Variants in SEMA4A observed in about 807,000 individuals in gnomAD.
SEMA4A encodes semaphorin 4A.
In SEMA4A, 52 loss-of-function variants were observed where a neutral mutation model predicts 72.5. The ratio of observed to expected loss-of-function variants is 0.72; its 90% confidence interval spans 0.57 to 0.90. The LOEUF (loss-of-function observed/expected upper bound fraction) is 0.90, where lower values mean the gene tolerates loss of function less well. SEMA4A is among the 40% of genes least tolerant of loss of function. The probability of loss-of-function intolerance (pLI) is 0.00; values close to 1 mark genes in which losing one functional copy is unlikely to be tolerated. For missense variants in SEMA4A, 926 were observed against 959.7 expected (o/e 0.96, Z 0.46); for synonymous variants, 369 against 393.1 (o/e 0.94, Z 0.73).
At chr1:156,166,206 C>CT (rs529171531) in intron 10 of SEMA4A, among the ~76,000 whole-genome samples, 76 of 151,640 alleles carry the variant, frequency 5.0e-4, no homozygotes, top group African/African-American at 1.8e-3. Context: ...TGTGCTCGGT[C>CT]TTTTTTTGGT....
At position 156,177,254 on chromosome 1, in the gene SEMA4A, G is replaced by A. The variant is rs189288853; in HGVS notation, c.*257G>A. 2.6e-4 allele frequency: 144 copies of A among 561,056 alleles called. No homozygotes were observed. Among genetic ancestry groups the A allele is most frequent in the Non-Finnish European group, 3.7e-4 (116 of 311,422 alleles). 34.8% of individuals were successfully genotyped at this position (561,056 alleles called of 1,614,324 possible). A position where few individuals can be genotyped will look rare whatever the true frequency, so the allele number is the denominator to read the frequency against. On this transcript the variant is annotated 3_prime_UTR_variant, in exon 15 of 15. Transcript: ENST00000368285. ...CTACCCCCAGACCTGCTCCTACACT[G>A]ATATTGAAGAACCTGGAGAGGATCC...
chr1:156,158,156 G>A (rs1017070657), intron 4 of SEMA4A, 24 bp downstream of exon 4: 3 of 1,611,606 alleles, frequency 1.9e-6, no homozygotes, highest in Middle Eastern at 1.7e-4. Context: ...GGGGAGTAGG[G>A]GTAGAGTGGG....
rs1053550966 is a variant in SEMA4A at position 156,175,613 on chromosome 1, C to A, written c.1650C>A (p.Gly550=). 3 of 1,612,896 alleles carry A rather than the reference C, an allele frequency of 1.9e-6. No individual in the cohort carries two copies. Among genetic ancestry groups the A allele is most frequent in the Admixed American group, 1.7e-5 (1 of 59,892 alleles). Residue 550 remains glycine, a synonymous_variant, in exon 14 of 15, where the codon GGC becomes GGA. Transcript: ENST00000368285. ...RGNPEWACAS[G]PMSRSLRPQS... ...ACCCAGAGTGGGCATGTGCCAGTGG[C>A]CCCATGAGCAGGAGCCTTCGGCCTC...
At chr1:156,164,213 T>C (rs1045526099) in intron 10 of SEMA4A, among the ~76,000 whole-genome samples, 3 of 152,188 alleles carry the variant, frequency 2.0e-5, no homozygotes, top group African/African-American at 7.2e-5. Context: ...GCAGTCCTAT[T>C]TCCCATCCTC....
In SEMA4A at chr1:156,174,934, C is replaced by A. The variant is rs1455829901; in HGVS notation, c.1428C>A (p.Pro476=). 6.2e-7 allele frequency: 1 copy of A among 1,614,122 alleles called. No individual in the cohort carries two copies. The highest frequency in any genetic ancestry group is 1.3e-5 in the African/African-American group (1 of 74,934). Reference sequence around the variant, plus strand: ...CTGTTCGCAACCTGCAGCTGGCCCCCACCCAGGTGGGAAGGGACCTGACCA... The same window carrying A: ...CTGTTCGCAACCTGCAGCTGGCCCCAACCCAGGTGGGAAGGGACCTGACCA... The part of the protein sequence containing the change: ...PEPVRNLQLA[P]TQGAVFVGFS... Residue 476 remains proline, a synonymous_variant, in exon 12 of 15, where the codon CCC becomes CCA. Transcript: ENST00000368285.
chr1:156,157,462 G>GT lies in SEMA4A; in HGVS notation c.301-607dup, dbSNP rs1653144811. Among the ~76,000 whole-genome samples, 1 of 152,160 alleles carries GT rather than the reference G, an allele frequency of 6.6e-6. No homozygotes were observed. The highest frequency in any genetic ancestry group is 6.5e-5 in the Admixed American group (1 of 15,282). On this transcript the variant is annotated intron_variant, in intron 3 of 14. Coordinates refer to ENST00000368285, the MANE Select transcript of SEMA4A (RefSeq NM_022367.4). The surrounding 1 kb of genome is among the most constrained non-coding windows in gnomAD (Gnocchi z 4.5). Reference sequence around the variant, plus strand: ...GGCTTTCTAAGTGCTGGGATTACAGGTGTGAGCCACTGTGCCTGGCTGCTT... The same window carrying GT: ...GGCTTTCTAAGTGCTGGGATTACAGGTTGTGAGCCACTGTGCCTGGCTGCTT...
At position 156,172,961 on chromosome 1, in the gene SEMA4A, C is replaced by T. The variant is rs796938343; in HGVS notation, c.1270C>T (p.Gln424Ter). Residue 424 changes from glutamine (Q) to a stop codon, truncating the protein, a stop_gained, in exon 11 of 15, where the codon CAG becomes TAG. Coordinates refer to ENST00000368285, the MANE Select transcript of SEMA4A (RefSeq NM_022367.4). LOFTEE classifies it high-confidence loss of function. ...TACACGGCTTGCAGTGGAGACAGCC[C>T]AGGGCCTTGATGGGCACAGCCATCT... ...EYTRLAVETAQGLDGHSHLVM... is the reference protein window; with the variant it reads ...EYTRLAVETA 1.2e-6 allele frequency: 2 copies of T among 1,614,092 alleles called. No individual in the cohort carries two copies. Among genetic ancestry groups the T allele is most frequent in the Non-Finnish European group, 1.7e-6 (2 of 1,179,962 alleles).
chr1:156,165,902 A>ATCT (rs1236426343), intron 10 of SEMA4A, among the ~76,000 whole-genome samples: 5 of 59,496 alleles, frequency 8.4e-5, no homozygotes, highest in Middle Eastern at 9.6e-3. Flanking sequence ...ATATCTTCCT[A>ATCT]TCTTCTTTTT....
In SEMA4A at chr1:156,176,585, G is replaced by T. The variant is rs773329946; in HGVS notation, c.1874G>T (p.Trp625Leu). The change falls in exon 15 of 15, where the codon TGG becomes TTG. Residue 625 changes from tryptophan (W) to leucine (L), a missense_variant. Physicochemically the swap from Trp to Leu is moderately conservative, Grantham distance 61 (BLOSUM62 -2). Transcript: ENST00000368285. ...GGAGTTGGGGGTCTCTACCAGTGCT[G>T]GGCAACTGAGAATGGCTTTTCATAC... ...QDGVGGLYQCWATENGFSYPV... is the reference protein window; with the variant it reads ...QDGVGGLYQCLATENGFSYPV... 1.5e-5 allele frequency: 25 copies of T among 1,614,034 alleles called. No individual in the cohort carries two copies. The highest frequency in any genetic ancestry group is 1.9e-5 in the Non-Finnish European group (22 of 1,180,030).
intron 9 of SEMA4A, 163 bp downstream of exon 9, chr1:156,161,681 C>A: frequency 3.0e-6 from 2 of 663,868 alleles, no homozygotes; most frequent in Non-Finnish European, 2.5e-6. Context: ...TTGACTCATG[C>A]CCTTTTTGTA....
chr1:156,159,657 T>C (rs1653391698), intron 6 of SEMA4A, among the ~76,000 whole-genome samples: 1 of 151,626 alleles, frequency 6.6e-6, no homozygotes, highest in African/African-American at 2.4e-5. Context: ...ACCTGAAATC[T>C]CAGCACTTTA....
chr1:156,169,278 T>G (rs1408394303), intron 10 of SEMA4A, among the ~76,000 whole-genome samples: 4 of 152,096 alleles, frequency 2.6e-5, no homozygotes, highest in African/African-American at 9.7e-5. Context: ...CTTCTCTCTC[T>G]CTCTCTCTTT....
At chr1:156,159,023 G>T (rs1010009475) in intron 6 of SEMA4A, 199 bp downstream of exon 6, 42 of 373,872 alleles carry the variant, frequency 1.1e-4, no homozygotes, top group East Asian at 1.5e-4. Flanking sequence ...AACACAGCGA[G>T]ATCGTCTCAA....
In SEMA4A at chr1:156,158,415, C is replaced by A. The variant is rs868120455; in HGVS notation, c.391C>A (p.Leu131Met). 6.2e-7 allele frequency: 1 copy of A among 1,613,742 alleles called. No homozygotes were observed. ...ACAGTGTTTCAACTTCATCCGTGTC[C>A]TGGTTTCTTACAATGTCACCCATCT... ...ETQCFNFIRV[L>M]VSYNVTHLYT... The change falls in exon 5 of 15, where the codon CTG (leucine) becomes ATG (methionine). Residue 131 changes from leucine (L) to methionine (M), a missense_variant. Leu to Met is a conservative substitution (Grantham distance 15, BLOSUM62 2). Coordinates refer to ENST00000368285, the MANE Select transcript of SEMA4A (RefSeq NM_022367.4).
In SEMA4A at chr1:156,177,228, GC is replaced by G. The variant is rs892162574; in HGVS notation, c.*232del. On this transcript the variant is annotated 3_prime_UTR_variant, in exon 15 of 15. Coordinates refer to ENST00000368285, the MANE Select transcript of SEMA4A (RefSeq NM_022367.4). Reference sequence around the variant, plus strand: ...ACATGAGCTCTCTAACAGGGTGGGGGCTACCCCCAGACCTGCTCCTACACTG... The same window carrying G: ...ACATGAGCTCTCTAACAGGGTGGGGGTACCCCCAGACCTGCTCCTACACTG... 2 of 604,588 alleles carry G rather than the reference GC, an allele frequency of 3.3e-6. No individual in the cohort carries two copies. The highest frequency in any genetic ancestry group is 3.7e-5 in the African/African-American group (2 of 54,438). 37.5% of individuals were successfully genotyped at this position (604,588 alleles called of 1,614,324 possible). A position where few individuals can be genotyped will look rare whatever the true frequency, so the allele number is the denominator to read the frequency against.
Position 156,158,800 on chromosome 1 carries a change from C to G in SEMA4A, c.544C>G (p.His182Asp), listed in dbSNP as rs566594268. ...AGGCCAAAGCCCCTTTGACCCCGCT[C>G]ACAAGCATACGGCTGTCTTGGTGGG... ...GKGQSPFDPA[H>D]KHTAVLVDGM... The change falls in exon 6 of 15, where the codon CAC becomes GAC. Residue 182 changes from histidine (H) to aspartate (D), a missense_variant. His to Asp is a moderately conservative substitution (Grantham distance 81). Transcript: ENST00000368285. 1 of 1,613,996 alleles carries G rather than the reference C, an allele frequency of 6.2e-7. No homozygotes were observed. Among genetic ancestry groups the G allele is most frequent in the South Asian group, 1.1e-5 (1 of 91,066 alleles).
rs1452480099 is a variant in SEMA4A, at chr1:156,169,412, T to C, written c.1135-3414T>C. ...AGGTTTATGTCTTTTCTTTTCTTTT[T>C]TTTTTTTTTTTTTTTTTTTTTGAGA... On this transcript the variant is annotated intron_variant, in intron 10 of 14. Transcript: ENST00000368285. Among the ~76,000 whole-genome samples the C allele has an allele frequency of 4.3e-4, 54 of 124,340 alleles. 1 individual carries two copies. In the South Asian group the frequency reaches 9.2e-3, roughly 21 times the overall value. 81.6% of individuals were successfully genotyped at this position (124,340 alleles called of 152,430 possible).
chr1:156,157,978 T>C lies in SEMA4A; in HGVS notation c.301-92T>C. On this transcript the variant is annotated intron_variant, in intron 3 of 14. Coordinates refer to ENST00000368285, the MANE Select transcript of SEMA4A (RefSeq NM_022367.4). This position sits in a 1 kb window ranked among gnomAD's most constrained non-coding sequence, Gnocchi z 4.5. ...CACTAACCACCATGTCTGCTGGTTATTTCACATCAGAGCAGAGAAGGGAGG... is the reference window on the plus strand; with the variant it reads ...CACTAACCACCATGTCTGCTGGTTACTTCACATCAGAGCAGAGAAGGGAGG... The C allele has an allele frequency of 7.7e-7, 1 of 1,290,594 alleles. No homozygotes were observed. Among genetic ancestry groups the C allele is most frequent in the South Asian group, 1.2e-5 (1 of 80,798 alleles). The allele number at this position is 1,290,594 out of a possible 1,614,324, so 79.9% of individuals were successfully genotyped here. A position where few individuals can be genotyped will look rare whatever the true frequency, so the allele number is the denominator to read the frequency against.
At chr1:156,156,316 C>A in intron 2 of SEMA4A, 98 bp from the exon 3 acceptor site, 1 of 1,174,200 alleles carries the variant, frequency 8.5e-7, no homozygotes, top group Non-Finnish European at 1.3e-6. Context: ...CTGGGGAGCA[C>A]ACTCAGGCAA....
Sources: allele counts gnomAD v4.1 joint callset (sites outside exome capture counted in the v4.1 genomes callset), GRCh38; gene constraint gnomAD v4.1.1; non-coding constraint Gnocchi (gnomAD v3.1); transcripts MANE v1.5; gene names NCBI Gene and HGNC (gene_info 2026-07-23, HGNC 2026-07-21).